UHRF1: variants seen among roughly 807,000 people sequenced by gnomAD.
UHRF1 encodes E3 ubiquitin-protein ligase UHRF1.
In UHRF1, 9 loss-of-function variants were observed where a neutral mutation model predicts 96.5. The ratio of observed to expected loss-of-function variants is 0.09; its 90% CI spans 0.06 to 0.16. The LOEUF is 0.16. UHRF1 is among the 10% of genes least tolerant of loss of function. The pLI is 1.00. For synonymous variants in UHRF1, 455 were observed against 469.9 expected (o/e 0.97, Z 0.41); for missense variants, 626 against 1,131.1 (o/e 0.55, Z 6.40).
upstream of UHRF1, among the ~76,000 whole-genome samples, chr19:4,907,901 G>A (rs1451596301): frequency 4.0e-5 from 6 of 151,510 alleles, no homozygotes; most frequent in Non-Finnish European, 2.9e-5. Context: ...TAGTAGAAAC[G>A]GGGTTTCTCC....
intron 5 of UHRF1, among the ~76,000 whole-genome samples, chr19:4,940,923 T>G (rs1285198715): frequency 6.6e-6 from 1 of 151,630 alleles, no homozygotes; most frequent in East Asian, 1.9e-4. Context: ...TCGGCCTGCC[T>G]CGGTCTCCCA....
In UHRF1 at chr19:4,930,681, C is replaced by A. The variant is rs2307203; in HGVS notation, c.409-35C>A. On this transcript the variant is annotated intron_variant, in intron 3 of 16. Transcript: ENST00000650932. This position sits in a 1 kb window ranked among gnomAD's most constrained non-coding sequence, Gnocchi z 4.4. Reference sequence around the variant, plus strand: ...TGGTCTCCCGTCAGTTTTCCTCACCCCGTTGGGATGCCAGACTTCCCTCAT... The same window carrying A: ...TGGTCTCCCGTCAGTTTTCCTCACCACGTTGGGATGCCAGACTTCCCTCAT... 6 of 1,605,166 alleles carry A rather than the reference C, an allele frequency of 3.7e-6. No homozygotes were observed. The highest frequency in any genetic ancestry group is 2.2e-5 in the East Asian group (1 of 44,568).
chr19:4,939,353 T>G (rs1330830547), intron 5 of UHRF1, among the ~76,000 whole-genome samples: 1 of 149,932 alleles, frequency 6.7e-6, no homozygotes, highest in Non-Finnish European at 1.5e-5. Context: ...TGAGCCACTA[T>G]ACCCAGTCTT....
rs374424470 is a variant in UHRF1 at position 4,954,444 on chromosome 19, C to T, written c.1913C>T (p.Ala638Val). 1.0e-4 allele frequency: 167 copies of T among 1,613,272 alleles called. 1 individual carries two copies. In the African/African-American group the frequency reaches 1.3e-3, roughly 12 times the overall value. Residue 638 changes from alanine (A) to valine (V), a missense_variant, in exon 14 of 17, where the codon GCG (alanine) becomes GTG (valine). By Grantham distance (64) the Ala-to-Val change is moderately conservative. Transcript: ENST00000650932. This position sits in a 1 kb window ranked among gnomAD's most constrained non-coding sequence, Gnocchi z 5.9. ...GAGGAGCAGCAGGAGGGGGGCTTCG[C>T]GTCCCCCAGGACGGGCAAGGGCAAG... ...EEEEQQEGGF[A>V]SPRTGKGKWK...
chr19:4,954,911 G>A lies in UHRF1; in HGVS notation c.2130+89G>A. Reference sequence around the variant, plus strand: ...TGTTTCCCATGTTCCCCATTTTCAAGTGTACAGCTCAGTCGCACTGAGTAC... The same window carrying A: ...TGTTTCCCATGTTCCCCATTTTCAAATGTACAGCTCAGTCGCACTGAGTAC... On this transcript the variant is annotated intron_variant, in intron 15 of 16. Transcript: ENST00000650932. The surrounding 1 kb of genome is among the most constrained non-coding windows in gnomAD (Gnocchi z 5.9). 4 of 1,521,346 alleles carry A rather than the reference G, an allele frequency of 2.6e-6. No individual in the cohort carries two copies. The Admixed American group carries it at 5.4e-5, about 20-fold the overall frequency. The allele number at this position is 1,521,346 out of a possible 1,614,324, so 94.2% of individuals were successfully genotyped here.
Position 4,924,181 on chromosome 19 carries a change from G to A in UHRF1, c.154-5041G>A, listed in dbSNP as rs556828686. 5.4e-4 allele frequency among the ~76,000 whole-genome samples: 82 copies of A among 151,540 alleles called. No homozygotes were observed. In the South Asian group the frequency reaches 0.016, roughly 30 times the overall value. ...TTTTATTTTTTTGAGACGGAGTCTC[G>A]CTCTGTCGCCCAGGCTGCAGTGCAG... is the stretch of plus-strand genomic sequence containing the variant. On this transcript the variant is annotated intron_variant, in intron 2 of 16. Coordinates refer to ENST00000650932, the MANE Select transcript of UHRF1 (RefSeq NM_001048201.3).
intron 2 of UHRF1, among the ~76,000 whole-genome samples, chr19:4,912,822 C>T (rs1027292568): frequency 4.6e-5 from 7 of 152,196 alleles, no homozygotes; most frequent in Non-Finnish European, 8.8e-5. Context: ...TGCAGTGGCA[C>T]GATCACAGCT....
chr19:4,931,298 C>T (rs935133652), intron 4 of UHRF1, among the ~76,000 whole-genome samples: 1 of 152,150 alleles, frequency 6.6e-6, no homozygotes. Context: ...GTGCTGCCAT[C>T]GTGAGATTTC....
At chr19:4,943,123 C>T (rs1033522352) in intron 7 of UHRF1, among the ~76,000 whole-genome samples, 9 of 151,842 alleles carry the variant, frequency 5.9e-5, no homozygotes, top group Non-Finnish European at 1.0e-4. Flanking sequence ...GCCTGTAATC[C>T]CAGCTACTCG....
intron 2 of UHRF1, among the ~76,000 whole-genome samples, chr19:4,914,972 C>G (rs1233099425): frequency 6.6e-6 from 1 of 152,238 alleles, no homozygotes; most frequent in Admixed American, 6.5e-5. Context: ...AGGTCATCCT[C>G]TGGCTGGGAC....
At chr19:4,928,427 C>T (rs967780215) in intron 2 of UHRF1, among the ~76,000 whole-genome samples, 2 of 152,138 alleles carry the variant, frequency 1.3e-5, no homozygotes, top group African/African-American at 4.8e-5. Flanking sequence ...TCGGCTTCTC[C>T]AGCCCCCAGA....
intron 2 of UHRF1, among the ~76,000 whole-genome samples, chr19:4,923,035 G>C (rs2032751613): frequency 6.6e-6 from 1 of 151,950 alleles, no homozygotes; most frequent in Non-Finnish European, 1.5e-5. Flanking sequence ...GGCTCCCCAA[G>C]CTGCTCCTGC....
At chr19:4,909,200 G>C, upstream of UHRF1, 1 of 452,012 alleles carries the variant, frequency 2.2e-6, no homozygotes. Flanking sequence ...TTGGACTTAA[G>C]AGTTCAGGGG....
intron 7 of UHRF1, among the ~76,000 whole-genome samples, chr19:4,943,501 C>A (rs1279876292): frequency 7.1e-6 from 1 of 141,660 alleles, no homozygotes; most frequent in Non-Finnish European, 1.5e-5. Flanking sequence ...CCCTGCCCCC[C>A]CTCCCCACAT....
rs756238737 is a variant in UHRF1, at chr19:4,954,810, G to A, written c.2118G>A (p.Ala706=). ...TGGCGTCACTCAAGGACCGGCCGGC[G>A]AGCGGCAGCCCGGTAGGCTCGCACG... ...EVLASLKDRP[A]SGSPFQLFLS... Residue 706 remains alanine (A), a synonymous_variant, in exon 15 of 17, where the codon GCG becomes GCA. Coordinates refer to ENST00000650932, the MANE Select transcript of UHRF1 (RefSeq NM_001048201.3). The surrounding 1 kb of genome is among the most constrained non-coding windows in gnomAD (Gnocchi z 5.9). The A allele has an allele frequency of 4.3e-6, 7 of 1,613,680 alleles. No homozygotes were observed. Among genetic ancestry groups the A allele is most frequent in the Middle Eastern group, 3.3e-4 (2 of 6,062 alleles).
At chr19:4,946,577 T>G (rs2033571924) in intron 10 of UHRF1, among the ~76,000 whole-genome samples, 1 of 147,362 alleles carries the variant, frequency 6.8e-6, no homozygotes, top group Non-Finnish European at 1.5e-5. Flanking sequence ...ATGTTGAGTG[T>G]TGTTTTTTTT....
chr19:4,952,813 C>T (rs1240950757), intron 13 of UHRF1, among the ~76,000 whole-genome samples: 1 of 151,982 alleles, frequency 6.6e-6, no homozygotes, highest in Admixed American at 6.6e-5. Context: ...GCGATGATGC[C>T]CTGTGAGGAC....
intron 10 of UHRF1, 66 bp downstream of exon 10, chr19:4,946,031 T>A: frequency 7.9e-7 from 1 of 1,270,036 alleles, no homozygotes; most frequent in Non-Finnish European, 1.1e-6. Flanking sequence ...GTAAAATACA[T>A]AGAACAAAAT....
rs1457505895 is a variant in UHRF1 at position 4,960,702 on chromosome 19, G to A, written c.2281G>A (p.Ala761Thr). The change falls in exon 17 of 17, where the codon GCC (alanine) becomes ACC (threonine). Residue 761 changes from alanine (A) to threonine (T), a missense_variant. Ala to Thr is a moderately conservative substitution (Grantham distance 58). Transcript: ENST00000650932. ...SFRAQVFSCP[A>T]CRYDLGRSYA... ...TCGGGCACAGGTGTTCAGCTGCCCT[G>A]CCTGCCGCTACGACCTGGGCCGCAG... 5.0e-6 allele frequency: 8 copies of A among 1,599,972 alleles called. No homozygotes were observed. The highest frequency in any genetic ancestry group is 1.6e-4 in the Middle Eastern group (1 of 6,064).
Sources: allele counts gnomAD v4.1 joint callset (sites outside exome capture counted in the v4.1 genomes callset), GRCh38; gene constraint gnomAD v4.1.1; non-coding constraint Gnocchi (gnomAD v3.1); transcripts MANE v1.5; gene names NCBI Gene and HGNC (gene_info 2026-07-23, HGNC 2026-07-21).